The following KCNH2 variants were observed in gnomAD, a reference collection of about 807,000 sequenced individuals.
KCNH2 encodes the protein potassium voltage-gated channel subfamily H member 2.
In KCNH2, 35 loss-of-function variants were observed where a neutral mutation model predicts 95.9. The observed-to-expected ratio is 0.37, with a 90% CI of 0.28 to 0.48. The LOEUF (loss-of-function observed/expected upper bound fraction) is 0.48. Ranked by LOEUF, KCNH2 falls within the 20% of genes least tolerant of loss-of-function variation. The probability of loss-of-function intolerance (pLI) is 0.99; values close to 1 mark genes in which losing one functional copy is unlikely to be tolerated. For synonymous variants in KCNH2, 786 were observed against 754.7 expected (o/e 1.04, Z -0.68); for missense variants, 1,274 against 1,702.9 (o/e 0.75, Z 4.43).
At chr7:150,960,486 T>TTC (rs1242843358) in intron 2 of KCNH2, among the ~76,000 whole-genome samples, 1 of 152,218 alleles carries the variant, frequency 6.6e-6, no homozygotes. Flanking sequence ...TGTCTCTCTG[T>TTC]TCTCTCTAGA....
chr7:150,952,761 C>T lies in KCNH2; in HGVS notation c.1221G>A (p.Lys407=), dbSNP rs549423898. The change falls in exon 6 of 15, where the codon AAG becomes AAA. Residue 407 remains lysine, a synonymous_variant. Coordinates refer to ENST00000262186, the MANE Select transcript of KCNH2 (RefSeq NM_000238.4). The surrounding 1 kb of genome is among the most constrained non-coding windows in gnomAD (Gnocchi z 7.3). ...RWTILHYSPF[K]AVWDWLILLL... is the part of the protein sequence containing the mutation. ...GCAGGATGAGCCAGTCCCACACGGC[C>T]TTGAAGGGGCTGTAATGCAGGATGG... The T allele has an allele frequency of 6.2e-7, 1 of 1,614,132 alleles. No individual in the cohort carries two copies. Among genetic ancestry groups the T allele is most frequent in the African/African-American group, 1.3e-5 (1 of 75,024 alleles).
intron 9 of KCNH2, among the ~76,000 whole-genome samples, 187 bp from the exon 10 acceptor site, chr7:150,949,236 GCACGA>G (rs1215660104): frequency 6.6e-6 from 1 of 152,052 alleles, no homozygotes; most frequent in Non-Finnish European, 1.5e-5. Context: ...CTCCCAGCAG[GCACGA>G]CAGTGCCAGA....
intron 5 of KCNH2, among the ~76,000 whole-genome samples, chr7:150,956,765 A>G (rs1480787112): frequency 6.6e-6 from 1 of 152,132 alleles, no homozygotes; most frequent in Non-Finnish European, 1.5e-5. Context: ...CCTCGAGGCC[A>G]TCCTGGCCAT....
At chr7:150,955,915 C>T in intron 5 of KCNH2, 1 of 897,934 alleles carries the variant, frequency 1.1e-6, no homozygotes, top group Non-Finnish European at 1.3e-6. Flanking sequence ...CCCTCCCCCG[C>T]AGCCCGCCCA....
rs1362273954 is a variant in KCNH2 at position 150,958,522 on chromosome 7, C to T, written c.473-20G>A. On this transcript the variant is annotated intron_variant, in intron 3 of 14. Coordinates refer to ENST00000262186, the MANE Select transcript of KCNH2 (RefSeq NM_000238.4). ...CGCGGCCTGCGGGAGAGGAGAGGCA[C>T]GTGGTCGTGGGGATCGCGAGCAGCC... The T allele has an allele frequency of 6.8e-7, 1 of 1,472,334 alleles. No homozygotes were observed. Among genetic ancestry groups the T allele is most frequent in the Non-Finnish European group, 8.9e-7 (1 of 1,118,372 alleles). 91.2% of individuals were successfully genotyped at this position (1,472,334 alleles called of 1,614,324 possible).
At chr7:150,947,950 G>A in intron 11 of KCNH2, 72 bp from the exon 12 acceptor site, 1 of 1,473,488 alleles carries the variant, frequency 6.8e-7, no homozygotes, top group Non-Finnish European at 9.0e-7. Flanking sequence ...TGGAGGAGGG[G>A]ACAGGAGCGA....
intron 9 of KCNH2, 113 bp downstream of exon 9, chr7:150,950,055 A>T (rs1284610534): frequency 2.5e-6 from 4 of 1,611,124 alleles, no homozygotes; most frequent in Non-Finnish European, 3.4e-6. Flanking sequence ...GAGCCCAGTG[A>T]CCCTGCAGGC....
In KCNH2 at chr7:150,959,784, G is replaced by A. The variant is rs756791761; in HGVS notation, c.308-48C>T. On this transcript the variant is annotated intron_variant, in intron 2 of 14. Transcript: ENST00000262186. ...CCCCTTGGCACCCACTCAGTGGGCA[G>A]AGCAGAAAGCCACGCAGGATGGACC... is the stretch of plus-strand genomic sequence containing the variant. 57 of 1,611,008 alleles carry A rather than the reference G, an allele frequency of 3.5e-5. No individual in the cohort carries two copies. The Middle Eastern group carries it at 8.2e-4, about 23-fold the overall frequency.
In KCNH2 at chr7:150,945,380, C is replaced by G. The variant is rs750145862; in HGVS notation, c.3465G>C (p.Ser1155=). 1.3e-6 allele frequency: 2 copies of G among 1,586,556 alleles called. No individual in the cohort carries two copies. The highest frequency in any genetic ancestry group is 1.1e-5 in the South Asian group (1 of 87,132). ...LTSQPLHRHG[S]DPGS ...GGCAGCCCCACTAACTGCCCGGGTCCGAGCCGTGTCTGTGCAGGGGCTGGG... is the reference window on the plus strand; with the variant it reads ...GGCAGCCCCACTAACTGCCCGGGTCGGAGCCGTGTCTGTGCAGGGGCTGGG... The change falls in exon 15 of 15, where the codon TCG becomes TCC. Residue 1155 remains serine (S), a synonymous_variant. Transcript: ENST00000262186. The surrounding 1 kb of genome is among the most constrained non-coding windows in gnomAD (Gnocchi z 5.6).
Position 150,945,454 on chromosome 7 carries a change from C to T in KCNH2, c.3391G>A (p.Gly1131Ser). The T allele has an allele frequency of 6.4e-7, 1 of 1,561,086 alleles. No individual in the cohort carries two copies. The highest frequency in any genetic ancestry group is 8.7e-7 in the Non-Finnish European group (1 of 1,153,182). ...PPGAPELPQE[G>S]PTRRLSLPGQ... ...GGTAGGGAGAGGCGTCGTGTGGGGC[C>T]TTCTTGGGGAAGCTCTGGGGCCCCC... Residue 1131 changes from glycine to serine, a missense_variant, in exon 15 of 15, where the codon GGC becomes AGC. Gly to Ser is a moderately conservative substitution (Grantham distance 56). Coordinates refer to ENST00000262186, the MANE Select transcript of KCNH2 (RefSeq NM_000238.4). This position sits in a 1 kb window ranked among gnomAD's most constrained non-coding sequence, Gnocchi z 5.6.
At chr7:150,974,024 G>A (rs1185306834) in intron 2 of KCNH2, among the ~76,000 whole-genome samples, 1 of 152,208 alleles carries the variant, frequency 6.6e-6, no homozygotes, top group African/African-American at 2.4e-5. Flanking sequence ...CCCCACCCCG[G>A]GCTCTGTTTA....
In KCNH2 at chr7:150,962,836, G is replaced by C. The variant is rs1306570848; in HGVS notation, c.308-3100C>G. Among the ~76,000 whole-genome samples, 1 of 152,174 alleles carries C rather than the reference G, an allele frequency of 6.6e-6. No homozygotes were observed. Among genetic ancestry groups the C allele is most frequent in the Non-Finnish European group, 1.5e-5 (1 of 68,014 alleles). On this transcript the variant is annotated intron_variant, in intron 2 of 14. Coordinates refer to ENST00000262186, the MANE Select transcript of KCNH2 (RefSeq NM_000238.4). The surrounding 1 kb of genome is among the most constrained non-coding windows in gnomAD (Gnocchi z 5.7). ...GGAAGGAAGGAAAGTAGGGGCCCCA[G>C]ATAGGCCTGGGCTCTCAGAGGCACT...
rs558747319 is a variant in KCNH2, at chr7:150,963,176, G to A, written c.308-3440C>T. Among the ~76,000 whole-genome samples, 7 of 152,318 alleles carry A rather than the reference G, an allele frequency of 4.6e-5. No individual in the cohort carries two copies. The South Asian group carries it at 1.0e-3, about 23-fold the overall frequency. On this transcript the variant is annotated intron_variant, in intron 2 of 14. Coordinates refer to ENST00000262186, the MANE Select transcript of KCNH2 (RefSeq NM_000238.4). ...CGTGGCAGGCACAGCCCACACTCCC[G>A]AGGCAGCCAGCACTGGGCGCACTCA... is the stretch of plus-strand genomic sequence containing the variant.
In KCNH2 at chr7:150,977,826, TC is replaced by T; in HGVS notation, c.76+11del. 6.2e-6 allele frequency: 2 copies of T among 322,886 alleles called. No individual in the cohort carries two copies. The highest frequency in any genetic ancestry group is 1.0e-5 in the Non-Finnish European group (2 of 198,502). 20.0% of individuals were successfully genotyped at this position (322,886 alleles called of 1,614,324 possible). On this transcript the variant is annotated intron_variant, in intron 1 of 14. Coordinates refer to ENST00000262186, the MANE Select transcript of KCNH2 (RefSeq NM_000238.4). ...AGAGCCCCCTCCCCGCTCAGCCCCCTCCCCCACTCACTCTGGCCCTCAAACT... is the reference window on the plus strand; with the variant it reads ...AGAGCCCCCTCCCCGCTCAGCCCCCTCCCCACTCACTCTGGCCCTCAAACT...
chr7:150,971,500 C>T (rs1339503266), intron 2 of KCNH2, among the ~76,000 whole-genome samples: 2 of 152,084 alleles, frequency 1.3e-5, no homozygotes, highest in African/African-American at 4.8e-5. Context: ...CGCACAAGCT[C>T]CCGGGGACAC....
rs41308963 is a variant in KCNH2 at position 150,959,797 on chromosome 7, C to G, written c.308-61G>C. 466 of 1,599,754 alleles carry G rather than the reference C, an allele frequency of 2.9e-4. 1 individual carries two copies. In the African/African-American group the frequency reaches 5.0e-3, roughly 17 times the overall value. On this transcript the variant is annotated intron_variant, in intron 2 of 14. Coordinates refer to ENST00000262186, the MANE Select transcript of KCNH2 (RefSeq NM_000238.4). The stretch of plus-strand genomic sequence containing the variant: ...ACTCAGTGGGCAGAGCAGAAAGCCA[C>G]GCAGGATGGACCCTGGAACCCAAGT...
chr7:150,957,673 C>T (rs959060771), intron 4 of KCNH2, among the ~76,000 whole-genome samples, 171 bp from the exon 5 acceptor site: 24 of 152,222 alleles, frequency 1.6e-4, no homozygotes, highest in African/African-American at 4.1e-4. Flanking sequence ...CTGTCCCACT[C>T]TAAGGAAGCA....
chr7:150,948,345 G>T (rs1015515477), intron 11 of KCNH2, 99 bp downstream of exon 11: 14 of 955,504 alleles, frequency 1.5e-5, no homozygotes, highest in Middle Eastern at 3.0e-4. Flanking sequence ...GGATGGGAAG[G>T]TCTGAGGCCT....
intron 12 of KCNH2, 26 bp downstream of exon 12, chr7:150,947,580 C>A: frequency 6.2e-7 from 1 of 1,610,190 alleles, no homozygotes. Flanking sequence ...CCCGGTCCTC[C>A]CTCGCCCGCC....
Sources: allele counts gnomAD v4.1 joint callset (sites outside exome capture counted in the v4.1 genomes callset), GRCh38; gene constraint gnomAD v4.1.1; non-coding constraint Gnocchi (gnomAD v3.1); transcripts MANE v1.5; gene names NCBI Gene and HGNC (gene_info 2026-07-23, HGNC 2026-07-21).